CSMD1: variants seen among roughly 807,000 people sequenced by gnomAD.
CSMD1 encodes CUB and Sushi multiple domains 1.
Under a neutral mutation model 417.5 loss-of-function variants are expected in CSMD1, and 213 were observed. The ratio of observed to expected loss-of-function variants is 0.51; its 90% CI spans 0.46 to 0.57. The LOEUF is 0.57. Ranked by LOEUF, CSMD1 falls within the 20% of genes least tolerant of loss-of-function variation. CSMD1 has a pLI of 0.00. For missense variants in CSMD1, 6,923 were observed against 4,529.7 expected (o/e 1.53, Z -15.17); for synonymous variants, 2,862 against 1,736.8 (o/e 1.65, Z -16.11).
chr8:3,848,559 C>A (rs929899556), intron 5 of CSMD1, among the ~76,000 whole-genome samples: 1 of 152,174 alleles, frequency 6.6e-6, no homozygotes, highest in Non-Finnish European at 1.5e-5. Context: ...TTTAATTTCA[C>A]CTTTGTGCTG....
intron 5 of CSMD1, among the ~76,000 whole-genome samples, chr8:3,776,178 A>T (rs1450552189): frequency 2.0e-5 from 3 of 152,160 alleles, no homozygotes; most frequent in African/African-American, 7.2e-5. Flanking sequence ...CCTTCAGAAC[A>T]GATCCATGTC....
intron 3 of CSMD1, among the ~76,000 whole-genome samples, chr8:4,099,145 C>T (rs1024446856): frequency 2.0e-5 from 3 of 151,544 alleles, no homozygotes; most frequent in Non-Finnish European, 4.4e-5. Flanking sequence ...TTCTTTCAGG[C>T]CCCAACCATG....
At chr8:4,167,439 AAC>A (rs1797519020) in intron 3 of CSMD1, among the ~76,000 whole-genome samples, 1 of 152,222 alleles carries the variant, frequency 6.6e-6, no homozygotes, top group South Asian at 2.1e-4. Flanking sequence ...TAGAAATGTT[AAC>A]ACACTGGAAT....
intron 3 of CSMD1, among the ~76,000 whole-genome samples, chr8:4,104,907 C>G (rs771141199): frequency 2.0e-5 from 3 of 152,180 alleles, no homozygotes; most frequent in Admixed American, 6.5e-5. Flanking sequence ...ATCAATCCCA[C>G]TGTGAGTGAG....
At chr8:3,818,131 A>T (rs370360847) in intron 5 of CSMD1, among the ~76,000 whole-genome samples, 1 of 152,036 alleles carries the variant, frequency 6.6e-6, no homozygotes, top group East Asian at 1.9e-4. Context: ...ACCCAAAGAG[A>T]GTTTCAGCTA....
At chr8:4,003,656 A>C (rs952335312) in intron 4 of CSMD1, among the ~76,000 whole-genome samples, 3 of 152,198 alleles carry the variant, frequency 2.0e-5, no homozygotes, top group Non-Finnish European at 4.4e-5. Flanking sequence ...ATAAATACGA[A>C]GAGTAAAACT....
intron 3 of CSMD1, among the ~76,000 whole-genome samples, chr8:4,171,691 T>A (rs187648221): frequency 1.3e-5 from 2 of 149,856 alleles, no homozygotes; most frequent in East Asian, 3.9e-4. Context: ...TAGAACAAAG[T>A]TAATTTGCTT....
At chr8:3,313,743 C>T (rs966077739) in intron 23 of CSMD1, among the ~76,000 whole-genome samples, 6 of 152,130 alleles carry the variant, frequency 3.9e-5, no homozygotes, top group African/African-American at 7.2e-5. Flanking sequence ...CTAGAAATAC[C>T]ATTTGACCCA....
chr8:3,040,966 TC>T (rs893483360), intron 50 of CSMD1, among the ~76,000 whole-genome samples: 118 of 152,290 alleles, frequency 7.7e-4, no homozygotes, highest in African/African-American at 2.8e-3. Context: ...CTACAGAAGT[TC>T]CAGTGTCATA....
intron 5 of CSMD1, among the ~76,000 whole-genome samples, chr8:3,945,580 G>C (rs1239575704): frequency 6.6e-6 from 1 of 152,030 alleles, no homozygotes; most frequent in Non-Finnish European, 1.5e-5. Flanking sequence ...TCTCTTAAAA[G>C]AACTCACAAT....
intron 7 of CSMD1, among the ~76,000 whole-genome samples, chr8:3,625,093 T>C (rs1000740523): frequency 1.3e-5 from 2 of 152,058 alleles, no homozygotes; most frequent in African/African-American, 4.8e-5. Flanking sequence ...TTTTTTGCTG[T>C]TTTTACAGAA....
At position 3,780,093 on chromosome 8, in the gene CSMD1, A is replaced by T. The variant is rs1799095607; in HGVS notation, c.819-26051T>A. On this transcript the variant is annotated intron_variant, in intron 5 of 69. Coordinates refer to ENST00000635120, the MANE Select transcript of CSMD1 (RefSeq NM_033225.6). ...TTCTTTAAAATCCTTTTACTGTACC[A>T]GTCGGTGTTGCATTAGAAGGCTTGC... Among the ~76,000 whole-genome samples, 3 of 152,220 alleles carry T rather than the reference A, an allele frequency of 2.0e-5. No homozygotes were observed. The South Asian group carries it at 6.2e-4, about 31-fold the overall frequency.
intron 5 of CSMD1, among the ~76,000 whole-genome samples, chr8:3,955,271 A>G (rs1334824518): frequency 6.6e-6 from 1 of 152,114 alleles, no homozygotes; most frequent in Non-Finnish European, 1.5e-5. Flanking sequence ...CCAACATGCA[A>G]AAGAGGCATG....
chr8:3,825,274 A>T (rs552504233), intron 5 of CSMD1, among the ~76,000 whole-genome samples: 9 of 152,166 alleles, frequency 5.9e-5, no homozygotes, highest in Admixed American at 3.3e-4. Context: ...TCACGCCTGT[A>T]ATCTCAGCAC....
At chr8:3,463,200 T>C (rs1816616248) in intron 12 of CSMD1, among the ~76,000 whole-genome samples, 1 of 152,088 alleles carries the variant, frequency 6.6e-6, no homozygotes, top group South Asian at 2.1e-4. Context: ...CTGTTCAACC[T>C]CTCCCTCCAC....
chr8:3,412,724 A>G (rs1812889358), intron 12 of CSMD1, among the ~76,000 whole-genome samples: 1 of 152,242 alleles, frequency 6.6e-6, no homozygotes, highest in African/African-American at 2.4e-5. Flanking sequence ...AACACAAGCC[A>G]AATACATCTA....
At chr8:4,377,775 T>G (rs1474744249) in intron 3 of CSMD1, among the ~76,000 whole-genome samples, 1 of 152,236 alleles carries the variant, frequency 6.6e-6, no homozygotes, top group African/African-American at 2.4e-5. Flanking sequence ...AAAGAATTTT[T>G]GGCACCTTTA....
chr8:4,532,630 G>A (rs112578399), intron 2 of CSMD1, among the ~76,000 whole-genome samples: 2,462 of 111,798 alleles, frequency 0.022, 151 homozygotes, highest in African/African-American at 0.081. Context: ...GAGTCACTCT[G>A]GAAGAGAAAT....
intron 3 of CSMD1, among the ~76,000 whole-genome samples, chr8:4,234,928 T>A (rs927196789): frequency 6.6e-6 from 1 of 152,184 alleles, no homozygotes; most frequent in South Asian, 2.1e-4. Flanking sequence ...CTGTTGTAAC[T>A]GATGTGCTAA....
Sources: gnomAD v4.1 joint callset for allele counts (sites outside exome capture counted in the v4.1 genomes callset) on GRCh38, gnomAD v4.1.1 for gene constraint, MANE v1.5 for transcripts, NCBI Gene and HGNC (gene_info 2026-07-23, HGNC 2026-07-21) for gene names.